NUP214: variants seen among roughly 807,000 people sequenced by gnomAD.
The protein encoded by NUP214 is nucleoporin 214.
A neutral mutation model predicts 196.2 loss-of-function variants in NUP214; 79 were observed. That is an observed-to-expected ratio of 0.40 (90% CI 0.34 to 0.49). The LOEUF is 0.49. NUP214 is among the 20% of genes least tolerant of loss of function. The pLI is 0.58. For synonymous variants in NUP214, 1,020 were observed against 990.5 expected (o/e 1.03, Z -0.56); for missense variants, 2,468 against 2,539.0 (o/e 0.97, Z 0.60).
chr9:131,128,607 T>TAA lies in NUP214; in HGVS notation c.393+132_393+133dup, dbSNP rs148247734. On this transcript the variant is annotated intron_variant, in intron 3 of 35. Transcript: ENST00000359428. Reference sequence around the variant, plus strand: ...TTTCTCTCTAGATTAAAATATGGGTTAAAAAAAAATCCTTAATTATAGAAT... The same window carrying TAA: ...TTTCTCTCTAGATTAAAATATGGGTTAAAAAAAAAAATCCTTAATTATAGAAT... 4.0e-5 allele frequency: 31 copies of TAA among 768,176 alleles called. No individual in the cohort carries two copies. The African/African-American group carries it at 5.0e-4, about 12-fold the overall frequency. The allele number at this position is 768,176 out of a possible 1,614,324, so 47.6% of individuals were successfully genotyped here.
chr9:131,185,717 T>C (rs1397990884), intron 24 of NUP214, among the ~76,000 whole-genome samples: 1 of 152,238 alleles, frequency 6.6e-6, no homozygotes, highest in East Asian at 1.9e-4. Flanking sequence ...TTATTGGATC[T>C]GGTTTGTTAA....
At chr9:131,189,269 A>G in intron 26 of NUP214, 138 bp downstream of exon 26, 1 of 688,256 alleles carries the variant, frequency 1.5e-6, no homozygotes, top group Non-Finnish European at 2.5e-6. Flanking sequence ...GGGTAGTATG[A>G]CCATAGACAA....
intron 30 of NUP214, among the ~76,000 whole-genome samples, chr9:131,214,141 TA>T (rs1274109799): frequency 6.6e-6 from 1 of 151,956 alleles, no homozygotes; most frequent in Non-Finnish European, 1.5e-5. Flanking sequence ...GGGGATACCC[TA>T]GGGGGTGGGG....
At chr9:131,137,246 G>C (rs141629577) in intron 9 of NUP214, among the ~76,000 whole-genome samples, 1 of 152,314 alleles carries the variant, frequency 6.6e-6, no homozygotes, top group East Asian at 1.9e-4. Context: ...AAATAGTAGA[G>C]AAGGGCTTAT....
intron 32 of NUP214, among the ~76,000 whole-genome samples, chr9:131,225,701 G>A (rs1214506409): frequency 6.6e-6 from 1 of 152,188 alleles, no homozygotes; most frequent in African/African-American, 2.4e-5. Context: ...TATTGAAAGA[G>A]GGGACTGGAA....
At chr9:131,174,422 C>T in intron 22 of NUP214, 104 bp downstream of exon 22, 6 of 878,162 alleles carry the variant, frequency 6.8e-6, no homozygotes, top group Non-Finnish European at 6.6e-6. Context: ...TGGTGGTTGG[C>T]TCCAGCCCAC....
intron 27 of NUP214, among the ~76,000 whole-genome samples, chr9:131,192,941 CAAAA>C (rs34653431): frequency 3.2e-4 from 10 of 31,032 alleles, no homozygotes; most frequent in Admixed American, 1.6e-3. Flanking sequence ...ACCCCGTCTC[CAAAA>C]AAAAAAAAAA....
intron 17 of NUP214, 61 bp downstream of exon 17, chr9:131,151,955 A>G (rs1832282021): frequency 3.7e-6 from 5 of 1,348,582 alleles, no homozygotes; most frequent in Admixed American, 2.5e-5. Flanking sequence ...AACAATTGCT[A>G]CCTCTTTTTG....
chr9:131,180,068 T>A (rs754197042), intron 24 of NUP214, among the ~76,000 whole-genome samples: 5 of 152,256 alleles, frequency 3.3e-5, no homozygotes, highest in African/African-American at 4.8e-5. Flanking sequence ...TTTCTCAAGC[T>A]TCATTTCCCT....
At chr9:131,134,786 T>A in intron 7 of NUP214, 112 bp from the exon 8 acceptor site, 1 of 700,750 alleles carries the variant, frequency 1.4e-6, no homozygotes, top group Non-Finnish European at 2.4e-6. Context: ...ATCTGGACTT[T>A]GAGTAAATAT....
chr9:131,193,312 T>A (rs1833665705), intron 27 of NUP214, among the ~76,000 whole-genome samples: 1 of 152,160 alleles, frequency 6.6e-6, no homozygotes, highest in Non-Finnish European at 1.5e-5. Context: ...GCATTGTGCA[T>A]TCAGTTCCTT....
At position 131,203,309 on chromosome 9, in the gene NUP214, G is replaced by A. The variant is rs181409643; in HGVS notation, c.5592+1592G>A. ...CACAGCACCTCCATAAGATAGGTGC[G>A]ATTATTATCGCCATTTAAGAGATGA... is the stretch of plus-strand genomic sequence containing the variant. On this transcript the variant is annotated intron_variant, in intron 30 of 35. Coordinates refer to ENST00000359428, the MANE Select transcript of NUP214 (RefSeq NM_005085.4). 1.7e-3 allele frequency among the ~76,000 whole-genome samples: 260 copies of A among 152,188 alleles called. 2 individuals are homozygous for A. The highest frequency in any genetic ancestry group is 2.8e-3 in the Non-Finnish European group (191 of 68,028).
At chr9:131,164,201 G>T (rs996703786) in intron 21 of NUP214, 57 bp downstream of exon 21, 3 of 1,510,094 alleles carry the variant, frequency 2.0e-6, no homozygotes, top group Non-Finnish European at 2.8e-6. Flanking sequence ...TGGGGTGTGT[G>T]TGTGTGCGCG....
intron 30 of NUP214, among the ~76,000 whole-genome samples, chr9:131,212,533 T>A (rs1369388998): frequency 6.6e-6 from 1 of 152,166 alleles, no homozygotes; most frequent in Non-Finnish European, 1.5e-5. Context: ...CCTTTATTTC[T>A]CAGACTGGCC....
intron 9 of NUP214, 23 bp from the exon 10 acceptor site, chr9:131,139,255 CTTT>C (rs200377608): frequency 9.0e-3 from 9,738 of 1,080,512 alleles, no homozygotes; most frequent in East Asian, 0.016. Context: ...TCTTCTTCTT[CTTT>C]TTTTTTTTTT....
chr9:131,182,966 G>C (rs1051175744), intron 24 of NUP214, among the ~76,000 whole-genome samples: 1 of 152,166 alleles, frequency 6.6e-6, no homozygotes, highest in African/African-American at 2.4e-5. Flanking sequence ...CTAAAGAATA[G>C]TGTAAGAATC....
intron 24 of NUP214, among the ~76,000 whole-genome samples, chr9:131,183,438 A>G (rs1833349332): frequency 6.6e-6 from 1 of 152,232 alleles, no homozygotes; most frequent in South Asian, 2.1e-4. Flanking sequence ...ATGTTTATAC[A>G]TATAGTTACC....
intron 10 of NUP214, among the ~76,000 whole-genome samples, chr9:131,140,229 G>A (rs750253695): frequency 6.6e-6 from 1 of 152,124 alleles, no homozygotes; most frequent in South Asian, 2.1e-4. Context: ...GGAATGCCAA[G>A]CCTACCTCCA....
chr9:131,183,813 A>G (rs79071108), intron 24 of NUP214, among the ~76,000 whole-genome samples: 3,835 of 152,190 alleles, frequency 0.025, 83 homozygotes, highest in South Asian at 0.055. Flanking sequence ...AATCACCTTT[A>G]TTCCCACCAC....
Sources: allele counts gnomAD v4.1 joint callset (sites outside exome capture counted in the v4.1 genomes callset), GRCh38; gene constraint gnomAD v4.1.1; transcripts MANE v1.5; gene names NCBI Gene and HGNC (gene_info 2026-07-23, HGNC 2026-07-21).